ZNF676: variants seen among roughly 807,000 people sequenced by gnomAD.
ZNF676 encodes zinc finger protein 676.
Under a neutral mutation model 6.0 loss-of-function variants are expected in ZNF676, and 4 were observed. That is an observed-to-expected ratio of 0.67 (90% CI 0.33 to 1.53). ZNF676 has a LOEUF of 1.53. Ranked by LOEUF, ZNF676 falls within the 40% of genes most tolerant of loss-of-function variation. The probability of loss-of-function intolerance (pLI) is 0.06; values close to 1 mark genes in which losing one functional copy is unlikely to be tolerated. For synonymous variants in ZNF676, 198 were observed against 223.1 expected, an observed-to-expected ratio of 0.89 and a Z score of 1.00; for missense variants, 644 against 679.7, an observed-to-expected ratio of 0.95 and a Z score of 0.58.
rs1171755618 is a variant in ZNF676, at chr19:22,180,438, C to T, written c.1279G>A (p.Gly427Ser). ...GEKPYKCEECGKAFSWSSSLT... is the reference protein window; with the variant it reads ...GEKPYKCEECSKAFSWSSSLT... ...CTTGAGGACCAGCTGAAGGCTTTGC[C>T]ACATTCTTCACACTTGTAGGGTTTC... The change falls in exon 3 of 3, where the codon GGC becomes AGC. Residue 427 changes from glycine to serine, a missense_variant. Physicochemically the swap from Gly to Ser is moderately conservative, Grantham distance 56 (BLOSUM62 0). Around this residue, in one of 5 missense-constraint regions of ZNF676, gnomAD observed 306 missense variants for 265.4 expected, o/e 1.15. Transcript: ENST00000397121. 4 of 1,612,676 alleles carry T rather than the reference C, an allele frequency of 2.5e-6. No homozygotes were observed. In the East Asian group the frequency reaches 8.9e-5, roughly 36 times the overall value.
chr19:22,215,625 C>T (rs1261612993), intron 1 of ZNF676: 5 of 1,610,956 alleles, frequency 3.1e-6, no homozygotes, highest in Non-Finnish European at 4.2e-6. Context: ...GGACCCGGCA[C>T]ACTCACCATT....
intron 1 of ZNF676, among the ~76,000 whole-genome samples, chr19:22,215,347 A>G (rs1449928597): frequency 2.6e-5 from 4 of 152,024 alleles, no homozygotes; most frequent in Admixed American, 2.6e-4. Context: ...TCCTCTGACT[A>G]CCCTCCCACA....
In ZNF676 at chr19:22,180,152, T is replaced by G; in HGVS notation, c.1565A>C (p.Glu522Ala). 1 of 1,613,388 alleles carries G rather than the reference T, an allele frequency of 6.2e-7. No individual in the cohort carries two copies. Among genetic ancestry groups the G allele is most frequent in the Non-Finnish European group, 8.5e-7 (1 of 1,179,844 alleles). ...KAFSWSSILT[E>A]HKIIHTGEKP... is the part of the protein sequence containing the mutation. ...CTCTCCAGTATGAATTATCTTATGTTCAGTAAGGATCGAGGACCAGCTGAA... is the reference window on the plus strand; with the variant it reads ...CTCTCCAGTATGAATTATCTTATGTGCAGTAAGGATCGAGGACCAGCTGAA... Residue 522 changes from glutamate to alanine, a missense_variant, in exon 3 of 3, where the codon GAA (glutamate) becomes GCA (alanine). Around this residue, in one of 5 missense-constraint regions of ZNF676, gnomAD observed 306 missense variants for 265.4 expected, o/e 1.15. Coordinates refer to ENST00000397121, the MANE Select transcript of ZNF676 (RefSeq NM_001001411.3).
At chr19:22,253,404 G>GTGTGTA in the ZNF676 span, among the ~76,000 whole-genome samples, 75 of 97,004 alleles carry the variant, frequency 7.7e-4, no homozygotes, top group African/African-American at 3.0e-3. Flanking sequence ...ATGATAATGT[G>GTGTGTA]TATATATATA....
At chr19:22,182,227 G>C (rs569667672) in intron 2 of ZNF676, among the ~76,000 whole-genome samples, 1 of 152,034 alleles carries the variant, frequency 6.6e-6, no homozygotes, top group East Asian at 1.9e-4. Flanking sequence ...CAAACCTGAA[G>C]ATGTTTGAGA....
At chr19:22,182,890 C>T (rs1227915165) in intron 2 of ZNF676, among the ~76,000 whole-genome samples, 2 of 151,914 alleles carry the variant, frequency 1.3e-5, no homozygotes, top group East Asian at 3.9e-4. Flanking sequence ...GTGCAGAAAA[C>T]ATTTTTAATT....
chr19:22,206,284 T>C (rs1219173368), intron 1 of ZNF676, among the ~76,000 whole-genome samples: 4 of 152,222 alleles, frequency 2.6e-5, no homozygotes, highest in African/African-American at 4.8e-5. Context: ...CAACTCATTA[T>C]GTAAGAACAG....
intron 1 of ZNF676, among the ~76,000 whole-genome samples, chr19:22,214,167 G>A (rs187720949): frequency 1.6e-4 from 25 of 152,296 alleles, no homozygotes; most frequent in Admixed American, 1.6e-3. Flanking sequence ...TCAGAGTCAG[G>A]CTGGAGAAAT....
the ZNF676 span, among the ~76,000 whole-genome samples, chr19:22,231,532 T>C: frequency 9.7e-6 from 1 of 102,570 alleles, no homozygotes; most frequent in South Asian, 3.2e-4. Flanking sequence ...AAGATGGATG[T>C]AGATATTCTA....
the ZNF676 span, among the ~76,000 whole-genome samples, chr19:22,256,473 G>C: frequency 2.0e-5 from 3 of 152,130 alleles, no homozygotes; most frequent in Admixed American, 2.0e-4. Flanking sequence ...TTTGGGCAAG[G>C]TTCAGGCAAA....
intron 2 of ZNF676, among the ~76,000 whole-genome samples, chr19:22,181,907 G>A (rs920058352): frequency 2.7e-5 from 4 of 150,172 alleles, no homozygotes; most frequent in Non-Finnish European, 4.4e-5. Flanking sequence ...AGTCCCTTCA[G>A]AAGCAAATTG....
At chr19:22,212,867 C>A (rs1304187727) in intron 1 of ZNF676, among the ~76,000 whole-genome samples, 1 of 151,624 alleles carries the variant, frequency 6.6e-6, no homozygotes, top group Admixed American at 6.6e-5. Flanking sequence ...TGTGGGTGCA[C>A]GCCTGTAGTC....
chr19:22,192,767 T>C (rs1291411726), intron 2 of ZNF676, among the ~76,000 whole-genome samples: 2 of 152,178 alleles, frequency 1.3e-5, no homozygotes, highest in Non-Finnish European at 1.5e-5. Flanking sequence ...TTGTATGCCA[T>C]GAACAGTACT....
At chr19:22,246,108 C>G in the ZNF676 span, among the ~76,000 whole-genome samples, 2 of 152,058 alleles carry the variant, frequency 1.3e-5, no homozygotes, top group South Asian at 4.1e-4. Flanking sequence ...ATGTTACAAT[C>G]CCCACTTTTG....
At chr19:22,183,660 TCAAGATC>T (rs2023792723) in intron 2 of ZNF676, among the ~76,000 whole-genome samples, 1 of 152,150 alleles carries the variant, frequency 6.6e-6, no homozygotes, top group South Asian at 2.1e-4. Flanking sequence ...ATTTTAAATA[TCAAGATC>T]CAACTTGCCT....
chr19:22,253,213 C>G, the ZNF676 span, among the ~76,000 whole-genome samples: 2 of 151,944 alleles, frequency 1.3e-5, no homozygotes, highest in East Asian at 1.9e-4. Context: ...AGAACCTCAA[C>G]AGTCAGCTGT....
chr19:22,223,846 T>A, the ZNF676 span, among the ~76,000 whole-genome samples: 14 of 152,122 alleles, frequency 9.2e-5, no homozygotes, highest in African/African-American at 2.9e-4. Context: ...ACTTTTTTTT[T>A]AATTTAACAA....
chr19:22,231,495 C>T, the ZNF676 span, among the ~76,000 whole-genome samples: 1 of 150,058 alleles, frequency 6.7e-6, no homozygotes, highest in Non-Finnish European at 1.5e-5. Context: ...CATCAGAGAT[C>T]TAATGATAAA....
the ZNF676 span, among the ~76,000 whole-genome samples, chr19:22,254,061 A>C: frequency 2.0e-5 from 3 of 152,152 alleles, no homozygotes; most frequent in Non-Finnish European, 4.4e-5. Flanking sequence ...TCACAATTCT[A>C]CCTGTGGGTA....
Sources: allele counts gnomAD v4.1 joint callset (sites outside exome capture counted in the v4.1 genomes callset), GRCh38; gene constraint gnomAD v4.1.1; regional missense constraint gnomAD v4.1.1; transcripts MANE v1.5; gene names NCBI Gene and HGNC (gene_info 2026-07-23, HGNC 2026-07-21).